Variants in NOS1AP observed in about 807,000 individuals in gnomAD.
NOS1AP encodes nitric oxide synthase 1 adaptor protein.
Under a neutral mutation model 56.2 loss-of-function variants are expected in NOS1AP, and 21 were observed. The observed-to-expected ratio is 0.37, with a 90% confidence interval of 0.26 to 0.54. The LOEUF is 0.54. NOS1AP is among the 20% of genes least tolerant of loss of function. NOS1AP has a pLI of 0.84. For synonymous variants in NOS1AP, 270 were observed against 274.6 expected, an observed-to-expected ratio of 0.98 and a Z score of 0.17; for missense variants, 522 against 657.8, an observed-to-expected ratio of 0.79 and a Z score of 2.26.
chr1:162,165,893 A>G (rs1349081489), intron 2 of NOS1AP, among the ~76,000 whole-genome samples: 1 of 152,194 alleles, frequency 6.6e-6, no homozygotes, highest in Non-Finnish European at 1.5e-5. Flanking sequence ...CCTTAAATTC[A>G]ATATGTCAAA....
rs1431299519 is a variant in NOS1AP at position 162,216,417 on chromosome 1, AAAGT to A, written c.177+61942_177+61945del. Among the ~76,000 whole-genome samples, 10 of 152,316 alleles carry A rather than the reference AAAGT, an allele frequency of 6.6e-5. No individual in the cohort carries two copies. The East Asian group carries it at 1.9e-3, about 29-fold the overall frequency. ...TGTGGGGACATTAATGACACCTTTG[AAAGT>A]GGTTTTATCAGTGCCTAGACAATCA... is the stretch of plus-strand genomic sequence containing the variant. On this transcript the variant is annotated intron_variant, in intron 2 of 9. Transcript: ENST00000361897.
chr1:162,340,648 A>G (rs916295267), intron 5 of NOS1AP, among the ~76,000 whole-genome samples: 7 of 152,172 alleles, frequency 4.6e-5, no homozygotes, highest in Admixed American at 6.5e-5. Flanking sequence ...ACCGTAGAGA[A>G]CAACGGGTGG....
intron 1 of NOS1AP, among the ~76,000 whole-genome samples, chr1:162,125,094 A>G (rs183427451): frequency 5.1e-4 from 76 of 148,520 alleles, no homozygotes; most frequent in Admixed American, 1.2e-3. Flanking sequence ...TGTTCCCTTT[A>G]CACCACATCC....
rs1037669207 is a variant in NOS1AP, at chr1:162,369,243, G to A, written c.*1776G>A. On this transcript the variant is annotated 3_prime_UTR_variant, in exon 10 of 10. Transcript: ENST00000361897. ...AACATGCATTTAGTTGGAGAGGCATGGTTCTGTTTGTTTTGTTTTGATCTA... is the reference window on the plus strand; with the variant it reads ...AACATGCATTTAGTTGGAGAGGCATAGTTCTGTTTGTTTTGTTTTGATCTA... The A allele has an allele frequency of 4.6e-5, 7 of 152,200 alleles. No homozygotes were observed. Among genetic ancestry groups the A allele is most frequent in the African/African-American group, 1.4e-4 (6 of 41,448 alleles). The allele number at this position is 152,200 out of a possible 1,614,324, so 9.4% of individuals were successfully genotyped here. A position where few individuals can be genotyped will look rare whatever the true frequency, so the allele number is the denominator to read the frequency against.
At chr1:162,174,370 G>A (rs1650958058) in intron 2 of NOS1AP, among the ~76,000 whole-genome samples, 1 of 141,062 alleles carries the variant, frequency 7.1e-6, no homozygotes, top group Non-Finnish European at 1.5e-5. Context: ...GAGAACACAT[G>A]GACACAGGAA....
intron 2 of NOS1AP, among the ~76,000 whole-genome samples, chr1:162,216,856 T>C (rs1440357274): frequency 6.6e-6 from 1 of 152,222 alleles, no homozygotes; most frequent in Non-Finnish European, 1.5e-5. Context: ...TCTTCTTCTA[T>C]CCAATGAGTA....
chr1:162,238,953 G>T (rs530303531), intron 2 of NOS1AP, among the ~76,000 whole-genome samples: 1 of 152,200 alleles, frequency 6.6e-6, no homozygotes, highest in Non-Finnish European at 1.5e-5. Flanking sequence ...TGTTATTTAT[G>T]TAAGGAAGAG....
intron 6 of NOS1AP, among the ~76,000 whole-genome samples, chr1:162,347,585 T>G (rs1657344861): frequency 6.6e-6 from 1 of 152,210 alleles, no homozygotes; most frequent in Non-Finnish European, 1.5e-5. Context: ...TAGCATTTTA[T>G]GTAAACAACA....
chr1:162,262,283 T>G (rs1210536310), intron 2 of NOS1AP, among the ~76,000 whole-genome samples: 3 of 152,166 alleles, frequency 2.0e-5, no homozygotes, highest in Admixed American at 6.5e-5. Flanking sequence ...GCTAGAGAGA[T>G]AACAAATTAG....
chr1:162,123,974 A>G (rs970001802), intron 1 of NOS1AP, among the ~76,000 whole-genome samples: 9 of 152,216 alleles, frequency 5.9e-5, no homozygotes, highest in Admixed American at 4.6e-4. Context: ...TACAGACTTT[A>G]TTTAAATTTT....
At chr1:162,357,187 A>G (rs1657733529) in intron 8 of NOS1AP, 51 bp downstream of exon 8, 4 of 1,586,994 alleles carry the variant, frequency 2.5e-6, no homozygotes, top group Non-Finnish European at 3.4e-6. Flanking sequence ...CATGGGCTTG[A>G]TGCACCTTCC....
rs761396270 is a variant in NOS1AP, at chr1:162,367,165, G to A, written c.1219G>A (p.Gly407Ser). The part of the protein sequence containing the change: ...EDLHSPPLGA[G>S]LADFAHPAGS... ...CCTGCATTCGCCGCCGCTGGGCGCG[G>A]GCTTGGCTGACTTTGCCCACCCTGC... The change falls in exon 10 of 10, where the codon GGC (glycine) becomes AGC (serine). Residue 407 changes from glycine to serine, a missense_variant. Physicochemically the swap from Gly to Ser is moderately conservative, Grantham distance 56 (BLOSUM62 0). This residue lies in a region of NOS1AP where 160 missense variants were observed against 180.3 expected (regional missense o/e 0.89). Coordinates refer to ENST00000361897, the MANE Select transcript of NOS1AP (RefSeq NM_014697.3). This position sits in a 1 kb window ranked among gnomAD's most constrained non-coding sequence, Gnocchi z 6.5. 3.1e-6 allele frequency: 5 copies of A among 1,613,868 alleles called. No individual in the cohort carries two copies. The East Asian group carries it at 1.1e-4, about 36-fold the overall frequency.
intron 2 of NOS1AP, among the ~76,000 whole-genome samples, chr1:162,274,986 T>C (rs1242776243): frequency 6.6e-6 from 1 of 152,256 alleles, no homozygotes; most frequent in Admixed American, 6.5e-5. Context: ...TCAGGTGTCC[T>C]ATTTGCAAGC....
At chr1:162,238,830 G>A (rs1653389114) in intron 2 of NOS1AP, among the ~76,000 whole-genome samples, 1 of 152,202 alleles carries the variant, frequency 6.6e-6, no homozygotes, top group Non-Finnish European at 1.5e-5. Flanking sequence ...AAAAAAGTTG[G>A]AGGGAAAGTA....
At chr1:162,356,373 T>C (rs1657705095) in intron 7 of NOS1AP, among the ~76,000 whole-genome samples, 1 of 152,326 alleles carries the variant, frequency 6.6e-6, no homozygotes, top group East Asian at 1.9e-4. Flanking sequence ...CTCCAGATCA[T>C]TATATATTTT....
chr1:162,235,168 G>A (rs1203760156), intron 2 of NOS1AP, among the ~76,000 whole-genome samples: 2 of 151,950 alleles, frequency 1.3e-5, no homozygotes, highest in East Asian at 1.9e-4. Flanking sequence ...CAAGTGTTAT[G>A]AGGTTTAGAT....
chr1:162,340,209 T>A (rs1256170139), intron 5 of NOS1AP, among the ~76,000 whole-genome samples: 1 of 152,148 alleles, frequency 6.6e-6, no homozygotes, highest in Non-Finnish European at 1.5e-5. Flanking sequence ...AGGAGTAAAA[T>A]AAAGGATAAA....
chr1:162,238,825 A>G (rs1185424833), intron 2 of NOS1AP, among the ~76,000 whole-genome samples: 1 of 152,254 alleles, frequency 6.6e-6, no homozygotes, highest in Non-Finnish European at 1.5e-5. Flanking sequence ...AGCATAAAAA[A>G]GTTGGAGGGA....
chr1:162,203,533 A>G (rs1652059306), intron 2 of NOS1AP, among the ~76,000 whole-genome samples: 1 of 152,228 alleles, frequency 6.6e-6, no homozygotes, highest in Non-Finnish European at 1.5e-5. Flanking sequence ...GGAATCACAC[A>G]GGAAAGATAA....
Sources: gnomAD v4.1 joint callset for allele counts (sites outside exome capture counted in the v4.1 genomes callset) on GRCh38, gnomAD v4.1.1 for gene constraint, gnomAD v4.1.1 regional missense constraint, Gnocchi (gnomAD v3.1) non-coding constraint, MANE v1.5 for transcripts, NCBI Gene and HGNC (gene_info 2026-07-23, HGNC 2026-07-21) for gene names.